Variants in NCAPD3 observed in about 807,000 individuals in gnomAD.
NCAPD3 encodes the protein non-SMC condensin II complex subunit D3.
In NCAPD3, 105 loss-of-function variants were observed where a neutral mutation model predicts 182.9. That is an observed-to-expected ratio of 0.57 (90% CI 0.49 to 0.68). NCAPD3 has a LOEUF of 0.68. Ranked by LOEUF, NCAPD3 falls within the 30% of genes least tolerant of loss-of-function variation. The pLI, the probability that NCAPD3 is intolerant of heterozygous loss-of-function variation, is 0.00. For synonymous variants in NCAPD3, 815 were observed against 679.9 expected (o/e 1.20, Z -3.09); for missense variants, 1,944 against 1,837.0 (o/e 1.06, Z -1.07).
At chr11:134,212,774 G>A (rs1937884492) in intron 3 of NCAPD3, among the ~76,000 whole-genome samples, 1 of 152,200 alleles carries the variant, frequency 6.6e-6, no homozygotes, top group Non-Finnish European at 1.5e-5. Flanking sequence ...TGTGAGAAGT[G>A]CCTACTGCAT....
intron 1 of NCAPD3, 75 bp downstream of exon 1, chr11:134,223,788 C>T: frequency 1.3e-6 from 2 of 1,540,412 alleles, no homozygotes; most frequent in South Asian, 1.2e-5. Context: ...GGCACCCCGG[C>T]CCGGGCTTAG....
chr11:134,157,141 A>C, intron 31 of NCAPD3, 46 bp from the exon 32 acceptor site: 2 of 1,464,618 alleles, frequency 1.4e-6, no homozygotes, highest in Non-Finnish European at 1.9e-6. Context: ...CCCAAACAAT[A>C]ACGAAGAGCA....
chr11:134,221,658 AAATT>A (rs1938233088), intron 1 of NCAPD3, among the ~76,000 whole-genome samples: 3 of 152,228 alleles, frequency 2.0e-5, no homozygotes, highest in Admixed American at 2.0e-4. Flanking sequence ...GTGTTCCTTC[AAATT>A]AATATTAAAA....
Position 134,192,386 on chromosome 11 carries a change from A to T in NCAPD3, c.2045+303T>A, listed in dbSNP as rs145281184. On this transcript the variant is annotated intron_variant, in intron 16 of 34. Coordinates refer to ENST00000534548, the MANE Select transcript of NCAPD3 (RefSeq NM_015261.3). Reference sequence around the variant, plus strand: ...TCCTTCGTGATAACCAGTATTGGGGAAAGGTGATATTAATATGTATCTCCA... The same window carrying T: ...TCCTTCGTGATAACCAGTATTGGGGTAAGGTGATATTAATATGTATCTCCA... Among the ~76,000 whole-genome samples the T allele has an allele frequency of 3.2e-3, 480 of 152,350 alleles. 6 individuals carry two copies. The highest frequency in any genetic ancestry group is 2.4e-3 in the Non-Finnish European group (162 of 68,036).
rs371217130 is a variant in NCAPD3, at chr11:134,153,376, G to A, written c.4253-13C>T. 63 of 1,613,766 alleles carry A rather than the reference G, an allele frequency of 3.9e-5. No homozygotes were observed. The African/African-American group carries it at 5.2e-4, about 13-fold the overall frequency. ...TCACTGATGCTCTCTGCATAAAGAG[G>A]AGACACCACTGAGTGAAAGCCGCGT... On this transcript the variant is annotated splice_polypyrimidine_tract_variant and intron_variant, in intron 32 of 34. Coordinates refer to ENST00000534548, the MANE Select transcript of NCAPD3 (RefSeq NM_015261.3).
Position 134,220,564 on chromosome 11 carries a change from AT to A in NCAPD3, c.219+7del. The A allele has an allele frequency of 3.7e-6, 6 of 1,603,840 alleles. No individual in the cohort carries two copies. Among genetic ancestry groups the A allele is most frequent in the Non-Finnish European group, 5.1e-6 (6 of 1,173,594 alleles). ...CAAACTTTGGCTAGTTTGTTTTTAT[AT>A]TTTTACCTCCATAGATCCATGTTCT... On this transcript the variant is annotated splice_region_variant and intron_variant, in intron 2 of 34. Coordinates refer to ENST00000534548, the MANE Select transcript of NCAPD3 (RefSeq NM_015261.3).
At chr11:134,161,723 G>T in intron 28 of NCAPD3, 58 bp downstream of exon 28, 1 of 1,023,656 alleles carries the variant, frequency 9.8e-7, no homozygotes, top group Non-Finnish European at 1.5e-6. Context: ...ACTGGCAGAA[G>T]ATCCTAAGTA....
chr11:134,167,303 A>C (rs74378229), intron 27 of NCAPD3, among the ~76,000 whole-genome samples: 13 of 89,112 alleles, frequency 1.5e-4, no homozygotes, highest in South Asian at 4.5e-4. Context: ...TTGGGGGAGC[A>C]GCACACTCAC....
chr11:134,182,765 TA>T (rs1410243430), intron 19 of NCAPD3, among the ~76,000 whole-genome samples: 2 of 152,264 alleles, frequency 1.3e-5, no homozygotes, highest in Non-Finnish European at 2.9e-5. Flanking sequence ...TGCTGAGCTA[TA>T]TCTTTGGGTA....
chr11:134,185,655 G>GT lies in NCAPD3; in HGVS notation c.2046-130dup, dbSNP rs1944389583. The GT allele has an allele frequency of 6.2e-6, 4 of 642,452 alleles. No homozygotes were observed. In the East Asian group the frequency reaches 1.2e-4, roughly 19 times the overall value. 39.8% of individuals were successfully genotyped at this position (642,452 alleles called of 1,614,324 possible). A position where few individuals can be genotyped will look rare whatever the true frequency, so the allele number is the denominator to read the frequency against. ...CTCAAGTGGCACATGAAACTTATAT[G>GT]TAGACGTTCCTAATTAGTGGCGTGT... is the stretch of plus-strand genomic sequence containing the variant. On this transcript the variant is annotated intron_variant, in intron 16 of 34. Coordinates refer to ENST00000534548, the MANE Select transcript of NCAPD3 (RefSeq NM_015261.3).
In NCAPD3 at chr11:134,178,802, T is replaced by C. The variant is rs763199103; in HGVS notation, c.2674+20A>G. The C allele has an allele frequency of 7.4e-6, 12 of 1,612,892 alleles. No homozygotes were observed. The South Asian group carries it at 1.2e-4, about 16-fold the overall frequency. ...TTGAAACGGCATGCGTGCTACAGAG[T>C]ATGATTTCAAATGCCTTACAGTGGT... On this transcript the variant is annotated intron_variant, in intron 21 of 34. Coordinates refer to ENST00000534548, the MANE Select transcript of NCAPD3 (RefSeq NM_015261.3).
chr11:134,172,537 C>T (rs1336145034), intron 24 of NCAPD3, among the ~76,000 whole-genome samples: 1 of 152,168 alleles, frequency 6.6e-6, no homozygotes, highest in Admixed American at 6.5e-5. Context: ...CTCAATGGTC[C>T]ATTATTTGAG....
At chr11:134,182,006 G>A (rs1178534974) in intron 19 of NCAPD3, among the ~76,000 whole-genome samples, 1 of 152,122 alleles carries the variant, frequency 6.6e-6, no homozygotes, top group Non-Finnish European at 1.5e-5. Context: ...TTGCCCTAAC[G>A]TATCTGGAAA....
At position 134,196,536 on chromosome 11, in the gene NCAPD3, C is replaced by A. The variant is rs1377147087; in HGVS notation, c.1616-1798G>T. ...GGGCGGGTGCTTGTAGTCCCAGATA[C>A]TCAGGAGGCTGAGGCAGGAGATTTG... On this transcript the variant is annotated intron_variant, in intron 13 of 34. Transcript: ENST00000534548. Among the ~76,000 whole-genome samples, 8 of 151,448 alleles carry A rather than the reference C, an allele frequency of 5.3e-5. No homozygotes were observed. The East Asian group carries it at 1.6e-3, about 29-fold the overall frequency.
At position 134,206,699 on chromosome 11, in the gene NCAPD3, C is replaced by T. The variant is rs1438496824; in HGVS notation, c.916G>A (p.Val306Ile). 1.2e-6 allele frequency: 2 copies of T among 1,611,172 alleles called. No homozygotes were observed. Among genetic ancestry groups the T allele is most frequent in the Non-Finnish European group, 8.5e-7 (1 of 1,178,864 alleles). Residue 306 changes from valine to isoleucine, a missense_variant, in exon 8 of 35, where the codon GTA becomes ATA. Physicochemically the swap from Val to Ile is conservative, Grantham distance 29. Transcript: ENST00000534548. ...ISCVFHQMLS[V>I]ILMLEVGEGS... ...TCACCAACTTCTAACATTAATATTA[C>T]ACTGAGCATTTGATGGAAAACACAA...
intron 3 of NCAPD3, among the ~76,000 whole-genome samples, chr11:134,212,061 A>G (rs1455124551): frequency 6.6e-6 from 1 of 152,182 alleles, no homozygotes; most frequent in African/African-American, 2.4e-5. Flanking sequence ...TCCCACCAAA[A>G]AGCAAAAAAA....
Position 134,168,926 on chromosome 11 carries a change from TGG to T in NCAPD3, c.3228_3229del (p.Gln1077ValfsTer33). 6.2e-7 allele frequency: 1 copy of T among 1,613,368 alleles called. No homozygotes were observed. Among genetic ancestry groups the T allele is most frequent in the South Asian group, 1.1e-5 (1 of 90,922 alleles). On this transcript the variant is annotated frameshift_variant, in exon 25 of 35. Coordinates refer to ENST00000534548, the MANE Select transcript of NCAPD3 (RefSeq NM_015261.3). LOFTEE classifies it high-confidence loss of function. ...TAGCTGCTTCACTGACCTCTCTGAC[TGG>T]GGGAACTTGTTGTACTTCTCATGCT...
chr11:134,184,511 T>C, intron 19 of NCAPD3, 126 bp downstream of exon 19: 1 of 638,254 alleles, frequency 1.6e-6, no homozygotes, highest in Non-Finnish European at 2.7e-6. Context: ...GTTGCGGCAA[T>C]AGCTGCGGGG....
chr11:134,185,794 C>G (rs2135987027), intron 16 of NCAPD3: 1 of 258,594 alleles, frequency 3.9e-6, no homozygotes. Flanking sequence ...CAATTCATTT[C>G]AGACTCTTCT....
Sources: allele counts gnomAD v4.1 joint callset (sites outside exome capture counted in the v4.1 genomes callset), GRCh38; gene constraint gnomAD v4.1.1; transcripts MANE v1.5; gene names NCBI Gene and HGNC (gene_info 2026-07-23, HGNC 2026-07-21).